AGTPBP1: variants seen among roughly 807,000 people sequenced by gnomAD.
AGTPBP1 encodes the protein cytosolic carboxypeptidase 1.
AGTPBP1 carries 70 observed loss-of-function variants against 143.9 expected under a neutral mutation model. The ratio of observed to expected loss-of-function variants is 0.49; its 90% CI spans 0.40 to 0.59. The LOEUF is 0.59. Among genes scored for constraint, AGTPBP1 ranks in the 20% least tolerant of loss-of-function variants. The probability of loss-of-function intolerance (pLI) is 0.00; values close to 1 mark genes in which losing one functional copy is unlikely to be tolerated. For synonymous variants in AGTPBP1, 463 were observed against 500.2 expected, an observed-to-expected ratio of 0.93 and a Z score of 0.99; for missense variants, 1,229 against 1,464.5, an observed-to-expected ratio of 0.84 and a Z score of 2.62.
chr9:85,747,383 G>A, the AGTPBP1 span, among the ~76,000 whole-genome samples: 2 of 152,198 alleles, frequency 1.3e-5, no homozygotes, highest in African/African-American at 4.8e-5. Flanking sequence ...ATGTGAATTT[G>A]AGGATGGGCT....
At chr9:85,705,401 G>C (rs1327704913) in intron 2 of AGTPBP1, among the ~76,000 whole-genome samples, 1 of 152,094 alleles carries the variant, frequency 6.6e-6, no homozygotes, top group African/African-American at 2.4e-5. Context: ...AGGTAGCCAA[G>C]AGTGGTGGCT....
chr9:85,781,915 T>C, the AGTPBP1 span, among the ~76,000 whole-genome samples: 1 of 152,164 alleles, frequency 6.6e-6, no homozygotes. Context: ...TAAAAAATAC[T>C]ATGAAGGTAA....
chr9:85,724,948 G>A (rs1178757532), intron 1 of AGTPBP1, among the ~76,000 whole-genome samples: 1 of 152,040 alleles, frequency 6.6e-6, no homozygotes, highest in Admixed American at 6.6e-5. Flanking sequence ...CAGTAATATG[G>A]CAGATACGGT....
intron 1 of AGTPBP1, among the ~76,000 whole-genome samples, chr9:85,733,365 C>T (rs967909443): frequency 6.6e-6 from 1 of 152,106 alleles, no homozygotes; most frequent in Non-Finnish European, 1.5e-5. Context: ...AATTAAACAA[C>T]GTACTCTTAA....
intron 2 of AGTPBP1, among the ~76,000 whole-genome samples, chr9:85,709,514 T>C (rs954207535): frequency 2.0e-5 from 3 of 152,160 alleles, no homozygotes; most frequent in Admixed American, 2.0e-4. Context: ...GGTAAGGACT[T>C]TGTCTCTTGG....
chr9:85,772,591 T>A, the AGTPBP1 span, among the ~76,000 whole-genome samples: 35 of 152,004 alleles, frequency 2.3e-4, no homozygotes, highest in African/African-American at 7.0e-4. Flanking sequence ...TACGAAAAAA[T>A]TTTTTAAAAA....
rs765273678 is a variant in AGTPBP1 at position 85,632,652 on chromosome 9, T to G, written c.2015+10A>C. 1.3e-6 allele frequency: 2 copies of G among 1,561,046 alleles called. No individual in the cohort carries two copies. Among genetic ancestry groups the G allele is most frequent in the East Asian group, 2.3e-5 (1 of 44,392 alleles). On this transcript the variant is annotated intron_variant, in intron 14 of 25. Transcript: ENST00000357081. ...CCTTATTTAGAAGAGGGAAGAAATA[T>G]GCAACTCACCTTTGTACACCATAAG...
chr9:85,764,899 A>G, the AGTPBP1 span: 1 of 1,167,872 alleles, frequency 8.6e-7, no homozygotes, highest in Non-Finnish European at 1.3e-6. Flanking sequence ...TGAAAAACTT[A>G]AAAATGGTAG....
chr9:85,669,700 C>A, intron 7 of AGTPBP1, 122 bp from the exon 8 acceptor site: 1 of 565,036 alleles, frequency 1.8e-6, no homozygotes. Flanking sequence ...CTCAAGTCAC[C>A]TTAAAGTCCA....
In AGTPBP1 at chr9:85,592,549, A is replaced by T. The variant is rs1243219067; in HGVS notation, c.2568+11T>A. On this transcript the variant is annotated intron_variant, in intron 19 of 25. Transcript: ENST00000357081. ...ATATCCATATAATACAATTTAATTT[A>T]GAGTTCTTACCTGTAAAGTTGAATA... 1 of 1,561,250 alleles carries T rather than the reference A, an allele frequency of 6.4e-7. No individual in the cohort carries two copies. The highest frequency in any genetic ancestry group is 8.7e-7 in the Non-Finnish European group (1 of 1,155,684).
the AGTPBP1 span, chr9:85,781,343 G>A: frequency 2.0e-4 from 316 of 1,562,460 alleles, no homozygotes; most frequent in Admixed American, 4.7e-4. Context: ...GAAGCAATTC[G>A]GCGGCAACTA....
At chr9:85,754,417 C>T in the AGTPBP1 span, among the ~76,000 whole-genome samples, 949 of 152,222 alleles carry the variant, frequency 6.2e-3, 10 homozygotes, top group African/African-American at 0.022. Context: ...GTTTCGATTT[C>T]GTGATCTGCC....
At chr9:85,549,500 G>C (rs986839354) in intron 25 of AGTPBP1, among the ~76,000 whole-genome samples, 3 of 152,240 alleles carry the variant, frequency 2.0e-5, no homozygotes, top group Non-Finnish European at 4.4e-5. Context: ...ACTGGGATCA[G>C]AGTAAGGATC....
intron 25 of AGTPBP1, among the ~76,000 whole-genome samples, chr9:85,564,514 T>C (rs2132892491): frequency 6.6e-6 from 1 of 152,368 alleles, no homozygotes; most frequent in East Asian, 1.9e-4. Flanking sequence ...AATGCATATA[T>C]GACAGTGGTC....
At position 85,619,277 on chromosome 9, in the gene AGTPBP1, A is replaced by T. The variant is rs533373770; in HGVS notation, c.2124T>A (p.Asp708Glu). The T allele has an allele frequency of 6.2e-7, 1 of 1,612,708 alleles. No individual in the cohort carries two copies. Among genetic ancestry groups the T allele is most frequent in the Admixed American group, 1.7e-5 (1 of 59,966 alleles). The change falls in exon 16 of 26, where the codon GAT (aspartate) becomes GAA (glutamate). Residue 708 changes from aspartate (D) to glutamate (E), a missense_variant. Physicochemically the swap from Asp to Glu is conservative, Grantham distance 45. Coordinates refer to ENST00000357081, the MANE Select transcript of AGTPBP1 (RefSeq NM_001330701.2). ...CAAATTTGGAGTTAAATTTCAAAAT[A>T]TCTCCCTCTTCTGGAATGGTGTAAC... ...NPNYTIPEEG[D>E]ILKFNSKFES...
At chr9:85,765,684 G>T in the AGTPBP1 span, among the ~76,000 whole-genome samples, 1 of 152,028 alleles carries the variant, frequency 6.6e-6, no homozygotes, top group Non-Finnish European at 1.5e-5. Context: ...TTTATTGTTG[G>T]TGTCTCATCA....
At chr9:85,553,221 TC>T (rs1054350270) in intron 25 of AGTPBP1, among the ~76,000 whole-genome samples, 2 of 152,172 alleles carry the variant, frequency 1.3e-5, no homozygotes, top group African/African-American at 4.8e-5. Flanking sequence ...AGAGAATATG[TC>T]TATTTGGAAA....
intron 14 of AGTPBP1, among the ~76,000 whole-genome samples, chr9:85,631,810 C>T (rs1442936955): frequency 6.6e-6 from 1 of 152,016 alleles, no homozygotes; most frequent in African/African-American, 2.4e-5. Context: ...ATCATAAAAC[C>T]TTCTCCATAA....
intron 17 of AGTPBP1, among the ~76,000 whole-genome samples, chr9:85,616,239 T>C (rs1006229813): frequency 2.0e-5 from 3 of 151,962 alleles, no homozygotes; most frequent in East Asian, 3.8e-4. Context: ...GAAAGTGTGA[T>C]ATACATACAA....
Sources: gnomAD v4.1 joint callset for allele counts (sites outside exome capture counted in the v4.1 genomes callset) on GRCh38, gnomAD v4.1.1 for gene constraint, MANE v1.5 for transcripts, NCBI Gene and HGNC (gene_info 2026-07-23, HGNC 2026-07-21) for gene names.